The following JAM2 variants were observed in gnomAD, a reference collection of about 807,000 sequenced individuals.
JAM2 encodes the protein junctional adhesion molecule B.
A neutral mutation model predicts 42.0 loss-of-function variants in JAM2; 17 were observed. That is an observed-to-expected ratio of 0.40 (90% CI 0.28 to 0.61). The LOEUF (loss-of-function observed/expected upper bound fraction) is 0.61. JAM2 is among the 20% of genes least tolerant of loss of function. JAM2 has a pLI of 0.37. For missense variants in JAM2, 319 were observed against 358.3 expected (o/e 0.89, Z 0.89); for synonymous variants, 118 against 128.6 (o/e 0.92, Z 0.56).
At chr21:25,709,552 G>C (rs1207448391) in intron 8 of JAM2, 103 bp downstream of exon 8, 31 of 700,480 alleles carry the variant, frequency 4.4e-5, no homozygotes, top group Non-Finnish European at 7.1e-5. Flanking sequence ...TATTTGTGTA[G>C]GTTTACTCTC....
intron 6 of JAM2, among the ~76,000 whole-genome samples, chr21:25,705,025 T>C (rs1230040567): frequency 6.6e-6 from 1 of 152,212 alleles, no homozygotes; most frequent in East Asian, 1.9e-4. Flanking sequence ...TCCAGTTGCA[T>C]TACATTAGAG....
intron 9 of JAM2, among the ~76,000 whole-genome samples, chr21:25,713,971 A>G (rs1043271028): frequency 6.6e-6 from 1 of 152,142 alleles, no homozygotes; most frequent in Admixed American, 6.5e-5. Flanking sequence ...GGGTTTCTCA[A>G]CCTCAGCACT....
At chr21:25,696,286 G>A (rs1164976015) in intron 4 of JAM2, among the ~76,000 whole-genome samples, 1 of 152,188 alleles carries the variant, frequency 6.6e-6, no homozygotes, top group South Asian at 2.1e-4. Flanking sequence ...CGCTCGGCAG[G>A]CTGAGGCAGG....
chr21:25,670,342 G>A (rs2033329974), intron 1 of JAM2, among the ~76,000 whole-genome samples: 1 of 152,058 alleles, frequency 6.6e-6, no homozygotes, highest in African/African-American at 2.4e-5. Flanking sequence ...AAATTAGCCA[G>A]GCATGGTGGT....
At position 25,698,532 on chromosome 21, in the gene JAM2, T is replaced by A. The variant is rs76294544; in HGVS notation, c.395-145T>A. 3.7e-3 allele frequency: 2,406 copies of A among 654,246 alleles called. 43 individuals are homozygous for A. The African/African-American group carries it at 0.038, about 10-fold the overall frequency. 40.5% of individuals were successfully genotyped at this position (654,246 alleles called of 1,614,324 possible). A position where few individuals can be genotyped will look rare whatever the true frequency, so the allele number is the denominator to read the frequency against. ...ATGGGTTTGTTGGACAAGTAAGCAG[T>A]CTCTATCACAGGGTCCAGTAATCAC... On this transcript the variant is annotated intron_variant, in intron 4 of 9. Transcript: ENST00000480456.
intron 6 of JAM2, among the ~76,000 whole-genome samples, chr21:25,702,898 G>C (rs1290720910): frequency 1.3e-5 from 2 of 152,116 alleles, no homozygotes; most frequent in African/African-American, 2.4e-5. Flanking sequence ...TGTTGCCCAG[G>C]CTGGAGTGCA....
At chr21:25,708,606 T>C (rs1412359459) in intron 7 of JAM2, among the ~76,000 whole-genome samples, 1 of 152,170 alleles carries the variant, frequency 6.6e-6, no homozygotes, top group African/African-American at 2.4e-5. Context: ...CAATTAATAC[T>C]TGTTCAGTGC....
chr21:25,705,718 A>G (rs2034257115), intron 6 of JAM2, among the ~76,000 whole-genome samples: 1 of 152,244 alleles, frequency 6.6e-6, no homozygotes, highest in Admixed American at 6.5e-5. Context: ...CTCCAAATGA[A>G]TGCAAAAGAA....
chr21:25,642,111 T>G (rs1285359450), intron 1 of JAM2, among the ~76,000 whole-genome samples: 1 of 152,176 alleles, frequency 6.6e-6, no homozygotes, highest in Non-Finnish European at 1.5e-5. Context: ...ATACTCCTAA[T>G]GTAGTGCATA....
chr21:25,663,806 A>AC (rs1568894745), intron 1 of JAM2, among the ~76,000 whole-genome samples: 1 of 152,148 alleles, frequency 6.6e-6, no homozygotes, highest in African/African-American at 2.4e-5. Flanking sequence ...TTTATAAATT[A>AC]CCCCATTTCA....
chr21:25,662,232 A>C (rs964168641), intron 1 of JAM2, among the ~76,000 whole-genome samples: 1 of 152,062 alleles, frequency 6.6e-6, no homozygotes, highest in Non-Finnish European at 1.5e-5. Flanking sequence ...CTGCAGCCTC[A>C]ACCTCCTTGG....
intron 1 of JAM2, among the ~76,000 whole-genome samples, chr21:25,680,116 A>C (rs17001286): frequency 0.13 from 19,148 of 152,218 alleles, 1,322 homozygotes; most frequent in Non-Finnish European, 0.15. Flanking sequence ...TCAAGGGTCC[A>C]TCAAGGTCCT....
chr21:25,656,975 A>G (rs2032955550), intron 1 of JAM2, among the ~76,000 whole-genome samples: 1 of 152,276 alleles, frequency 6.6e-6, no homozygotes, highest in Admixed American at 6.5e-5. Context: ...TAATTATTAG[A>G]AAATGAAAGG....
intron 2 of JAM2, among the ~76,000 whole-genome samples, chr21:25,686,227 T>C (rs1194119556): frequency 6.6e-6 from 1 of 152,252 alleles, no homozygotes; most frequent in Admixed American, 6.5e-5. Flanking sequence ...CAAATGTTAA[T>C]CTCACTCCAA....
chr21:25,695,124 G>GCGGCCTTC (rs958542543), intron 4 of JAM2, among the ~76,000 whole-genome samples: 4 of 152,096 alleles, frequency 2.6e-5, no homozygotes, highest in African/African-American at 9.7e-5. Context: ...AGAGGACCCT[G>GCGGCCTTC]CGGCCTTCCG....
chr21:25,707,113 A>C (rs112370387), intron 7 of JAM2, among the ~76,000 whole-genome samples: 23 of 152,220 alleles, frequency 1.5e-4, no homozygotes, highest in African/African-American at 5.5e-4. Flanking sequence ...TTTCATTGAA[A>C]TAAATAAGTG....
intron 1 of JAM2, among the ~76,000 whole-genome samples, chr21:25,679,545 A>T (rs2123361653): frequency 6.6e-6 from 1 of 152,290 alleles, no homozygotes; most frequent in South Asian, 2.1e-4. Context: ...GAAGCCAGGG[A>T]TACTGCAAAA....
intron 1 of JAM2, among the ~76,000 whole-genome samples, chr21:25,642,645 A>C (rs1255075648): frequency 1.3e-5 from 2 of 152,118 alleles, no homozygotes; most frequent in Non-Finnish European, 2.9e-5. Context: ...CCCTGTTGAT[A>C]TATGGATATT....
chr21:25,655,480 G>C (rs2032908413), intron 1 of JAM2, among the ~76,000 whole-genome samples: 1 of 138,698 alleles, frequency 7.2e-6, no homozygotes, highest in East Asian at 2.0e-4. Context: ...TGAAACATCA[G>C]CTCTTTTTTT....
Sources: gnomAD v4.1 joint callset for allele counts (sites outside exome capture counted in the v4.1 genomes callset) on GRCh38, gnomAD v4.1.1 for gene constraint, MANE v1.5 for transcripts, NCBI Gene and HGNC (gene_info 2026-07-23, HGNC 2026-07-21) for gene names.